Variants in CELSR2 observed in about 807,000 individuals in gnomAD.
The protein encoded by CELSR2 is cadherin EGF LAG seven-pass G-type receptor 2, also known as EGF-like protein 2.
A neutral mutation model predicts 251.6 loss-of-function variants in CELSR2; 81 were observed. That is an observed-to-expected ratio of 0.32 (90% CI 0.27 to 0.39). The LOEUF (loss-of-function observed/expected upper bound fraction) is 0.39. Ranked by LOEUF, CELSR2 falls within the 10% of genes least tolerant of loss-of-function variation. The probability of loss-of-function intolerance (pLI) is 1.00; values close to 1 mark genes in which losing one functional copy is unlikely to be tolerated. For synonymous variants in CELSR2, 1,721 were observed against 1,670.5 expected (o/e 1.03, Z -0.74); for missense variants, 3,365 against 3,947.7 (o/e 0.85, Z 3.96).
rs376445359 is a variant in CELSR2, at chr1:109,263,261, G to T, written c.4828G>T (p.Ala1610Ser). The T allele has an allele frequency of 1.0e-5, 16 of 1,579,024 alleles. No homozygotes were observed. The highest frequency in any genetic ancestry group is 1.3e-5 in the African/African-American group (1 of 74,110). The change falls in exon 8 of 34, where the codon GCC (alanine) becomes TCC (serine). Residue 1610 changes from alanine to serine, a missense_variant. Ala to Ser is a moderately conservative substitution (Grantham distance 99). Around this residue, in one of 5 missense-constraint regions of CELSR2, gnomAD observed 2,093 missense variants for 2,382.8 expected, o/e 0.88. Transcript: ENST00000271332. ...CPLGFGGKSC[A>S]QEMANPQHFL... is the part of the protein sequence containing the mutation. ...CCTGGGCTTTGGGGGCAAGAGCTGCGCCCAGGGTAGGAGGGGCGGCTGTTA... is the reference window on the plus strand; with the variant it reads ...CCTGGGCTTTGGGGGCAAGAGCTGCTCCCAGGGTAGGAGGGGCGGCTGTTA...
At position 109,269,379 on chromosome 1, in the gene CELSR2, C is replaced by G. The variant is rs376645024; in HGVS notation, c.6813-45C>G. ...AGGGGGTCGGGGGCGTCTCCCCAGT[C>G]ATGTGACTGCCGTGGTGACTGTGCA... On this transcript the variant is annotated intron_variant, in intron 20 of 33. Coordinates refer to ENST00000271332, the MANE Select transcript of CELSR2 (RefSeq NM_001408.3). The surrounding 1 kb of genome is among the most constrained non-coding windows in gnomAD (Gnocchi z 6.4). 2 of 1,610,326 alleles carry G rather than the reference C, an allele frequency of 1.2e-6. No homozygotes were observed. Among genetic ancestry groups the G allele is most frequent in the African/African-American group, 2.7e-5 (2 of 74,852 alleles).
chr1:109,250,949 G>A lies in CELSR2; in HGVS notation c.870G>A (p.Glu290=), dbSNP rs1360276338. 6.2e-7 allele frequency: 1 copy of A among 1,613,754 alleles called. No homozygotes were observed. The highest frequency in any genetic ancestry group is 8.5e-7 in the Non-Finnish European group (1 of 1,180,036). The change falls in exon 1 of 34, where the codon GAG becomes GAA. Residue 290 remains glutamate, a synonymous_variant. Coordinates refer to ENST00000271332, the MANE Select transcript of CELSR2 (RefSeq NM_001408.3). This position sits in a 1 kb window ranked among gnomAD's most constrained non-coding sequence, Gnocchi z 4.4. ...CCAATGACCATGACCCTGTGTTCGAGCAGCAGGAGTACAAGGAGAGCCTCA... is the reference window on the plus strand; with the variant it reads ...CCAATGACCATGACCCTGTGTTCGAACAGCAGGAGTACAAGGAGAGCCTCA... ...TDTNDHDPVF[E]QQEYKESLRE...
chr1:109,271,434 G>T lies in CELSR2; in HGVS notation c.7725G>T (p.Thr2575=), dbSNP rs761491369. The change falls in exon 27 of 34, where the codon ACG becomes ACT. Residue 2575 remains threonine, a synonymous_variant. Coordinates refer to ENST00000271332, the MANE Select transcript of CELSR2 (RefSeq NM_001408.3). ...CCGTCCTCCTGCTGCTGAGCGCCAC[G>T]TGGCTGCTGGCACTGCTCTCTGTCA... is the stretch of plus-strand genomic sequence containing the variant. ...SFAVLLLLSA[T]WLLALLSVNS... is the part of the protein sequence containing the mutation. 1.9e-6 allele frequency: 3 copies of T among 1,614,018 alleles called. No individual in the cohort carries two copies. The highest frequency in any genetic ancestry group is 2.5e-6 in the Non-Finnish European group (3 of 1,180,028).
chr1:109,270,808 T>G (rs1570793487), intron 24 of CELSR2, 119 bp from the exon 25 acceptor site: 1 of 988,052 alleles, frequency 1.0e-6, no homozygotes, highest in Non-Finnish European at 1.5e-6. Flanking sequence ...TAGGGGCCGA[T>G]GGTGGGCAGA....
rs758384826 is a variant in CELSR2 at position 109,252,363 on chromosome 1, G to C, written c.2284G>C (p.Ala762Pro). Residue 762 changes from alanine (A) to proline (P), a missense_variant, in exon 1 of 34, where the codon GCA becomes CCA. Ala to Pro is a conservative substitution (Grantham distance 27). Coordinates refer to ENST00000271332, the MANE Select transcript of CELSR2 (RefSeq NM_001408.3). This position sits in a 1 kb window ranked among gnomAD's most constrained non-coding sequence, Gnocchi z 4.8. Reference sequence around the variant, plus strand: ...CAGCATCCCCCAGTTCCGCATCGATGCAGACACGGGGGCTGTCACCACCCA... The same window carrying C: ...CAGCATCCCCCAGTTCCGCATCGATCCAGACACGGGGGCTGTCACCACCCA... ...EDSIPQFRIDADTGAVTTQAE... is the reference protein window; with the variant it reads ...EDSIPQFRIDPDTGAVTTQAE... 5 of 1,613,024 alleles carry C rather than the reference G, an allele frequency of 3.1e-6. No individual in the cohort carries two copies. The Admixed American group carries it at 8.3e-5, about 27-fold the overall frequency.
chr1:109,258,964 G>T lies in CELSR2; in HGVS notation c.3843G>T (p.Thr1281=). 1 of 1,610,870 alleles carries T rather than the reference G, an allele frequency of 6.2e-7. No individual in the cohort carries two copies. Residue 1281 remains threonine, a synonymous_variant, in exon 2 of 34, where the codon ACG becomes ACT. Transcript: ENST00000271332. The part of the protein sequence containing the change: ...GLRCRCPPGF[T]GDYCETEVDL... ...GCTGCCGCTGCCCGCCCGGCTTCAC[G>T]GGTGACTACTGCGAGACCGAGGTGG...
intron 1 of CELSR2, among the ~76,000 whole-genome samples, chr1:109,258,089 T>G (rs1655909978): frequency 1.3e-5 from 2 of 152,052 alleles, no homozygotes; most frequent in Admixed American, 1.3e-4. Flanking sequence ...CTCAGGATGC[T>G]CTGGGCCCTG....
At chr1:109,262,028 G>C in intron 5 of CELSR2, 132 bp downstream of exon 5, 1 of 1,092,962 alleles carries the variant, frequency 9.1e-7, no homozygotes, top group Non-Finnish European at 1.3e-6. Flanking sequence ...GGGAGCGGCT[G>C]GGAAGGTGCC....
intron 1 of CELSR2, among the ~76,000 whole-genome samples, chr1:109,257,966 C>G (rs985284665): frequency 1.3e-5 from 2 of 152,320 alleles, no homozygotes; most frequent in South Asian, 2.1e-4. Context: ...CACTCCCCCC[C>G]ACCCCCGCCA....
rs56246620 is a variant in CELSR2, at chr1:109,274,241, T to TC, written c.*200dup. 205,583 of 1,319,200 alleles carry TC rather than the reference T, an allele frequency of 0.16. 14,510 individuals are homozygous for TC. Among genetic ancestry groups the TC allele is most frequent in the Non-Finnish European group, 0.17 (165,076 of 995,872 alleles). The allele number at this position is 1,319,200 out of a possible 1,614,324, so 81.7% of individuals were successfully genotyped here. A position where few individuals can be genotyped will look rare whatever the true frequency, so the allele number is the denominator to read the frequency against. The stretch of plus-strand genomic sequence containing the variant: ...CCACCTAAGGCCATCTAGTGCCAAC[T>TC]CCCCCCCCACCATTCCCCTCACTGC... On this transcript the variant is annotated 3_prime_UTR_variant, in exon 34 of 34. Transcript: ENST00000271332.
At chr1:109,264,764 C>A in intron 11 of CELSR2, 104 bp from the exon 12 acceptor site, 1 of 1,590,024 alleles carries the variant, frequency 6.3e-7, no homozygotes, top group Admixed American at 1.7e-5. Flanking sequence ...AAGCCATAGC[C>A]AGCTGATAGG....
rs748599721 is a variant in CELSR2, at chr1:109,252,698, G to A, written c.2619G>A (p.Val873=). Residue 873 remains valine (V), a synonymous_variant, in exon 1 of 34, where the codon GTG becomes GTA. Coordinates refer to ENST00000271332, the MANE Select transcript of CELSR2 (RefSeq NM_001408.3). The surrounding 1 kb of genome is among the most constrained non-coding windows in gnomAD (Gnocchi z 4.8). ...DFIVESTSGI[V]RTLRRLDREN... ...TTGTTGAGTCCACGTCAGGCATCGT[G>A]CGAACGCTACGGAGGCTGGATCGAG... The A allele has an allele frequency of 4.3e-6, 7 of 1,614,042 alleles. No individual in the cohort carries two copies. The highest frequency in any genetic ancestry group is 1.3e-5 in the African/African-American group (1 of 75,070).
At position 109,251,571 on chromosome 1, in the gene CELSR2, A is replaced by G. The variant is rs1034634693; in HGVS notation, c.1492A>G (p.Ile498Val). ...CTTGGTGACAGTACAGGTCCTGGAT[A>G]TCAACGACAATGCCCCCATCTTCGT... ...SGLVTVQVLD[I>V]NDNAPIFVST... Residue 498 changes from isoleucine to valine, a missense_variant, in exon 1 of 34, where the codon ATC (isoleucine) becomes GTC (valine). This residue lies in a region of CELSR2 where 704 missense variants were observed against 784.1 expected (regional missense o/e 0.90). Transcript: ENST00000271332. The surrounding 1 kb of genome is among the most constrained non-coding windows in gnomAD (Gnocchi z 4.9). The G allele has an allele frequency of 1.2e-6, 2 of 1,613,796 alleles. No individual in the cohort carries two copies. Among genetic ancestry groups the G allele is most frequent in the East Asian group, 2.2e-5 (1 of 44,870 alleles).
At chr1:109,266,017 CCTGGGGAGGCCTAGGGAGGG>C (rs1338239994) in intron 14 of CELSR2, 68 bp from the exon 15 acceptor site, 30 of 1,584,956 alleles carry the variant, frequency 1.9e-5, no homozygotes, top group Non-Finnish European at 2.1e-5. Flanking sequence ...CCTGGGGAGG[CCTGGGGAGGCCTAGGGAGGG>C]CTGGGGAGCC....
rs1570772417 is a variant in CELSR2 at position 109,250,067 on chromosome 1, G to A, written c.-13G>A. 2 of 1,350,236 alleles carry A rather than the reference G, an allele frequency of 1.5e-6. No individual in the cohort carries two copies. Among genetic ancestry groups the A allele is most frequent in the East Asian group, 3.0e-5 (1 of 33,372 alleles). The allele number at this position is 1,350,236 out of a possible 1,614,324, so 83.6% of individuals were successfully genotyped here. On this transcript the variant is annotated 5_prime_UTR_variant, in exon 1 of 34. Transcript: ENST00000271332. This position sits in a 1 kb window ranked among gnomAD's most constrained non-coding sequence, Gnocchi z 4.4. ...CCGCCGTTGACCCGGCCGCCGGCCGGGAGCTGGGAGAGATGCGGAGCCCGG... is the reference window on the plus strand; with the variant it reads ...CCGCCGTTGACCCGGCCGCCGGCCGAGAGCTGGGAGAGATGCGGAGCCCGG...
At chr1:109,260,644 C>A (rs1429674133) in intron 2 of CELSR2, among the ~76,000 whole-genome samples, 1 of 152,144 alleles carries the variant, frequency 6.6e-6, no homozygotes, top group African/African-American at 2.4e-5. Flanking sequence ...TGCACATTTA[C>A]CCTCTTGGGG....
At chr1:109,264,410 C>T in intron 10 of CELSR2, 44 bp from the exon 11 acceptor site, 1 of 1,596,956 alleles carries the variant, frequency 6.3e-7, no homozygotes, top group Non-Finnish European at 8.6e-7. Context: ...CCACCACCTG[C>T]AGCCCCGCTC....
In CELSR2 at chr1:109,249,591, G is replaced by A. The variant is rs1189396748; in HGVS notation, c.-489G>A. Among the ~76,000 whole-genome samples the A allele has an allele frequency of 6.7e-6, 1 of 148,874 alleles. No individual in the cohort carries two copies. Among genetic ancestry groups the A allele is most frequent in the Non-Finnish European group, 1.5e-5 (1 of 67,072 alleles). On this transcript the variant is annotated 5_prime_UTR_variant, in exon 1 of 34. Coordinates refer to ENST00000271332, the MANE Select transcript of CELSR2 (RefSeq NM_001408.3). ...CGAGGGAGCGCGGGGCTGGGCCCGG[G>A]GCCGCGGCGACAGGCAGCAGCCGCG...
In CELSR2 at chr1:109,273,543, G is replaced by A. The variant is rs1299595462; in HGVS notation, c.8617G>A (p.Gly2873Ser). ...GSSRGSSASE[G>S]SRGGPPPRPP... ...TTCCCGGGGCTCCTCCGCTAGTGAG[G>A]GCAGCCGGGGAGGCCCCCCTCCCCG... The change falls in exon 33 of 34, where the codon GGC (glycine) becomes AGC (serine). Residue 2873 changes from glycine to serine, a missense_variant. Around this residue, in one of 5 missense-constraint regions of CELSR2, gnomAD observed 2,093 missense variants for 2,382.8 expected, o/e 0.88. Transcript: ENST00000271332. 1 of 1,580,788 alleles carries A rather than the reference G, an allele frequency of 6.3e-7. No homozygotes were observed. The highest frequency in any genetic ancestry group is 8.6e-7 in the Non-Finnish European group (1 of 1,163,902).
Sources: allele counts gnomAD v4.1 joint callset (sites outside exome capture counted in the v4.1 genomes callset), GRCh38; gene constraint gnomAD v4.1.1; regional missense constraint gnomAD v4.1.1; non-coding constraint Gnocchi (gnomAD v3.1); transcripts MANE v1.5; gene names NCBI Gene and HGNC (gene_info 2026-07-23, HGNC 2026-07-21).